The following GCM2 variants were observed in gnomAD, a reference collection of about 807,000 sequenced individuals.
GCM2 encodes GCM transcription factor 2.
A neutral mutation model predicts 24.8 loss-of-function variants in GCM2; 21 were observed. That is an observed-to-expected ratio of 0.85 (90% confidence interval 0.60 to 1.22). The LOEUF (loss-of-function observed/expected upper bound fraction) is 1.22. Among genes scored for constraint, GCM2 ranks in the 50% most tolerant of loss-of-function variants. The pLI is 0.00. For synonymous variants in GCM2, 222 were observed against 238.0 expected (o/e 0.93, Z 0.62); for missense variants, 532 against 645.6 (o/e 0.82, Z 1.91).
chr6:10,878,368 G>A (rs1164542055), intron 1 of GCM2, among the ~76,000 whole-genome samples: 2 of 152,066 alleles, frequency 1.3e-5, no homozygotes, highest in East Asian at 3.8e-4. Flanking sequence ...ACCCAGGCTG[G>A]AGTGTAGTAG....
intron 1 of GCM2, among the ~76,000 whole-genome samples, chr6:10,880,016 G>A (rs564519418): frequency 1.2e-4 from 18 of 152,306 alleles, no homozygotes; most frequent in African/African-American, 3.1e-4. Context: ...AGCACTTTGC[G>A]AGGCTAAGGC....
chr6:10,874,125 G>C lies in GCM2; in HGVS notation c.1391C>G (p.Pro464Arg). The change falls in exon 5 of 5, where the codon CCC becomes CGC. Residue 464 changes from proline (P) to arginine (R), a missense_variant. By Grantham distance (103) the Pro-to-Arg change is moderately radical (BLOSUM62 -2). Transcript: ENST00000379491. Reference protein sequence around the residue: ...CRAIRPTVAIPHEPVSSRTDE... With the variant: ...CRAIRPTVAIRHEPVSSRTDE... ...TGTCCTAGAGGAAACTGGCTCGTGG[G>C]GAATAGCCACAGTGGGTCTGATGGC... is the stretch of plus-strand genomic sequence containing the variant. 1 of 1,614,208 alleles carries C rather than the reference G, an allele frequency of 6.2e-7. No individual in the cohort carries two copies. Among genetic ancestry groups the C allele is most frequent in the Non-Finnish European group, 8.5e-7 (1 of 1,180,028 alleles).
chr6:10,880,250 C>A (rs149978037), intron 1 of GCM2, among the ~76,000 whole-genome samples: 3 of 151,366 alleles, frequency 2.0e-5, no homozygotes, highest in Non-Finnish European at 4.4e-5. Context: ...AGCTAAACCC[C>A]GCCTCAAAAA....
At chr6:10,875,766 G>A (rs1341709181) in intron 4 of GCM2, 125 bp downstream of exon 4, 10 of 945,218 alleles carry the variant, frequency 1.1e-5, no homozygotes, top group Admixed American at 1.8e-5. Flanking sequence ...TGTTACAGAC[G>A]TATAATTTTC....
In GCM2 at chr6:10,874,584, T is replaced by A; in HGVS notation, c.932A>T (p.Gln311Leu). 1 of 1,614,136 alleles carries A rather than the reference T, an allele frequency of 6.2e-7. No homozygotes were observed. Among genetic ancestry groups the A allele is most frequent in the Non-Finnish European group, 8.5e-7 (1 of 1,179,962 alleles). Reference protein sequence around the residue: ...DTDWVHLNTLQCNVNSYSSYE... With the variant: ...DTDWVHLNTLLCNVNSYSSYE... ...GCTGCTGTATGAATTGACATTACAT[T>A]GTAGTGTGTTCAGATGAACCCAGTC... The change falls in exon 5 of 5, where the codon CAA becomes CTA. Residue 311 changes from glutamine to leucine, a missense_variant. Gln to Leu is a moderately radical substitution (Grantham distance 113). This residue lies in a region of GCM2 where 434 missense variants were observed against 521.9 expected (regional missense o/e 0.83). Transcript: ENST00000379491.
chr6:10,875,204 T>C (rs919148505), intron 4 of GCM2, among the ~76,000 whole-genome samples: 10 of 152,238 alleles, frequency 6.6e-5, no homozygotes, highest in African/African-American at 2.4e-4. Context: ...TGTTCTCACC[T>C]ATACTGTCTT....
intron 1 of GCM2, among the ~76,000 whole-genome samples, chr6:10,879,365 G>A (rs1182382837): frequency 1.3e-5 from 2 of 152,194 alleles, no homozygotes; most frequent in African/African-American, 4.8e-5. Context: ...TACTGAGGTA[G>A]TGACCCTGGC....
chr6:10,881,576 G>A (rs1339021079), intron 1 of GCM2, 128 bp downstream of exon 1: 2 of 615,550 alleles, frequency 3.2e-6, no homozygotes, highest in Non-Finnish European at 5.8e-6. Context: ...GTGTGTGTGT[G>A]TGTGTGTGTG....
intron 3 of GCM2, 49 bp from the exon 4 acceptor site, chr6:10,876,065 T>A: frequency 6.2e-7 from 1 of 1,606,344 alleles, no homozygotes. Flanking sequence ...TAAAGGAAGC[T>A]GACAATGTTG....
intron 1 of GCM2, among the ~76,000 whole-genome samples, chr6:10,878,362 A>G (rs535749046): frequency 2.5e-4 from 38 of 152,268 alleles, no homozygotes; most frequent in Non-Finnish European, 4.6e-4. Context: ...TCTGTCACCC[A>G]GGCTGGAGTG....
At position 10,874,795 on chromosome 6, in the gene GCM2, A is replaced by C. The variant is rs1779854127; in HGVS notation, c.721T>G (p.Tyr241Asp). The C allele has an allele frequency of 6.2e-7, 1 of 1,613,560 alleles. No individual in the cohort carries two copies. Among genetic ancestry groups the C allele is most frequent in the Admixed American group, 1.7e-5 (1 of 59,938 alleles). ...PCPSFPKSDV[Y>D]KATCDLATFQ... ...GTGGCTAGGTCACAGGTAGCTTTGT[A>C]AACATCAGACTTTGGGAAGGAAGGG... Residue 241 changes from tyrosine (Y) to aspartate (D), a missense_variant, in exon 5 of 5, where the codon TAC becomes GAC. Coordinates refer to ENST00000379491, the MANE Select transcript of GCM2 (RefSeq NM_004752.4).
chr6:10,881,738 A>G lies in GCM2; in HGVS notation c.56T>C (p.Leu19Pro). 3 of 1,611,634 alleles carry G rather than the reference A, an allele frequency of 1.9e-6. No homozygotes were observed. Among genetic ancestry groups the G allele is most frequent in the Non-Finnish European group, 2.5e-6 (3 of 1,179,978 alleles). ...CTGCGGATCGTTGATGTCCCAGCTG[A>G]GCTGCATCCCGTAGGAGCACACGCC... ...AVGVCSYGMQ[L>P]SWDINDPQMP... Residue 19 changes from leucine (L) to proline (P), a missense_variant, in exon 1 of 5, where the codon CTC (leucine) becomes CCC (proline). Transcript: ENST00000379491.
chr6:10,875,894 G>A lies in GCM2; in HGVS notation c.579C>T (p.Ser193=), dbSNP rs766185560. Residue 193 remains serine, a synonymous_variant, in exon 4 of 5, where the codon TCC becomes TCT. Coordinates refer to ENST00000379491, the MANE Select transcript of GCM2 (RefSeq NM_004752.4). The part of the protein sequence containing the change: ...YQPQKKRIRE[S]EAEENQDSSG... The stretch of plus-strand genomic sequence containing the variant: ...TGCACTATCAGCTCCCTGTTACCTC[G>A]GATTCTCGAATTCTCTTTTTCTGGG... 8.7e-6 allele frequency: 14 copies of A among 1,613,760 alleles called. No individual in the cohort carries two copies. The highest frequency in any genetic ancestry group is 4.5e-5 in the East Asian group (2 of 44,876).
chr6:10,880,289 C>A (rs1779940752), intron 1 of GCM2, among the ~76,000 whole-genome samples: 1 of 151,430 alleles, frequency 6.6e-6, no homozygotes, highest in Admixed American at 6.6e-5. Flanking sequence ...AAAACCCCAA[C>A]AAACAAACAA....
chr6:10,878,907 G>T (rs989498577), intron 1 of GCM2, among the ~76,000 whole-genome samples: 1 of 152,106 alleles, frequency 6.6e-6, no homozygotes, highest in Non-Finnish European at 1.5e-5. Context: ...GTGTATAATA[G>T]CAGTAAGCCA....
rs201711449 is a variant in GCM2, at chr6:10,874,443, G to A, written c.1073C>T (p.Pro358Leu). ...GCAGGGAAGCTCTGGGTTATAATAA[G>A]GGCGAGTGGCCATGGCCTGAAACTG... ...HGQFQAMATRPYYNPELPCRY... is the reference protein window; with the variant it reads ...HGQFQAMATRLYYNPELPCRY... Residue 358 changes from proline to leucine, a missense_variant, in exon 5 of 5, where the codon CCT (proline) becomes CTT (leucine). Coordinates refer to ENST00000379491, the MANE Select transcript of GCM2 (RefSeq NM_004752.4). 1.2e-5 allele frequency: 19 copies of A among 1,614,188 alleles called. No homozygotes were observed. The African/African-American group carries it at 1.6e-4, about 14-fold the overall frequency.
chr6:10,874,228 A>G lies in GCM2; in HGVS notation c.1288T>C (p.Trp430Arg), dbSNP rs1305312481. ...CTGGTGACTGTCACCGGAGGACCCC[A>G]GGGTTCTGGATAGACAGACATCCCA... Reference protein sequence around the residue: ...DTGMSVYPEPWGPPVTVTRAA... With the variant: ...DTGMSVYPEPRGPPVTVTRAA... The change falls in exon 5 of 5, where the codon TGG becomes CGG. Residue 430 changes from tryptophan (W) to arginine (R), a missense_variant. Trp to Arg is a moderately radical substitution (Grantham distance 101). This residue lies in a region of GCM2 where 434 missense variants were observed against 521.9 expected (regional missense o/e 0.83). Coordinates refer to ENST00000379491, the MANE Select transcript of GCM2 (RefSeq NM_004752.4). 5 of 1,614,088 alleles carry G rather than the reference A, an allele frequency of 3.1e-6. No homozygotes were observed. The African/African-American group carries it at 4.0e-5, about 13-fold the overall frequency.
intron 1 of GCM2, among the ~76,000 whole-genome samples, chr6:10,877,701 A>G (rs1335434946): frequency 6.6e-6 from 1 of 152,206 alleles, no homozygotes; most frequent in African/African-American, 2.4e-5. Flanking sequence ...CGACTCGCCC[A>G]AGGTCACATC....
chr6:10,874,366 T>TG lies in GCM2; in HGVS notation c.1149dup (p.Thr384HisfsTer5). 6.2e-7 allele frequency: 1 copy of TG among 1,614,152 alleles called. No homozygotes were observed. ...TGGTAGGACACTTTAGTGGTGGTGG[T>TG]GATCACGGTTTGTAGGGCAGGGGCA... On this transcript the variant is annotated frameshift_variant, in exon 5 of 5. Coordinates refer to ENST00000379491, the MANE Select transcript of GCM2 (RefSeq NM_004752.4). LOFTEE classifies it low-confidence loss of function (END_TRUNC).
Sources: gnomAD v4.1 joint callset for allele counts (sites outside exome capture counted in the v4.1 genomes callset) on GRCh38, gnomAD v4.1.1 for gene constraint, gnomAD v4.1.1 regional missense constraint, MANE v1.5 for transcripts, NCBI Gene and HGNC (gene_info 2026-07-23, HGNC 2026-07-21) for gene names.